IP6K1: variants seen among roughly 807,000 people sequenced by gnomAD.
IP6K1 encodes inositol hexakisphosphate kinase 1, also known as ATP:1D-myo-inositol-hexakisphosphate phosphotransferase.
IP6K1 carries 13 observed loss-of-function variants against 38.3 expected under a neutral mutation model. The ratio of observed to expected loss-of-function variants is 0.34; its 90% CI spans 0.22 to 0.54. The LOEUF is 0.54. IP6K1 is among the 20% of genes least tolerant of loss of function. The pLI, the probability that IP6K1 is intolerant of heterozygous loss-of-function variation, is 0.92. For synonymous variants in IP6K1, 212 were observed against 229.9 expected, an observed-to-expected ratio of 0.92 and a Z score of 0.70; for missense variants, 397 against 599.8, an observed-to-expected ratio of 0.66 and a Z score of 3.53.
intron 1 of IP6K1, among the ~76,000 whole-genome samples, chr3:49,784,694 C>T (rs1169354001): frequency 6.6e-6 from 1 of 150,646 alleles, no homozygotes; most frequent in Non-Finnish European, 1.5e-5. Context: ...TGCCTGTAAT[C>T]CCAACAATTT....
rs1464533251 is a variant in IP6K1 at position 49,727,982 on chromosome 3, A to C, written c.792+121T>G. On this transcript the variant is annotated intron_variant, in intron 5 of 5. Coordinates refer to ENST00000321599, the MANE Select transcript of IP6K1 (RefSeq NM_153273.4). This position sits in a 1 kb window ranked among gnomAD's most constrained non-coding sequence, Gnocchi z 5.9. The stretch of plus-strand genomic sequence containing the variant: ...GTCCTGCACCTGAGGCCCATATCAA[A>C]GTCAACAGGTAAGGACAGAGGGGCT... The C allele has an allele frequency of 2.0e-6, 2 of 988,430 alleles. No individual in the cohort carries two copies. The highest frequency in any genetic ancestry group is 3.0e-6 in the Non-Finnish European group (2 of 659,784). The allele number at this position is 988,430 out of a possible 1,614,324, so 61.2% of individuals were successfully genotyped here.
At chr3:49,774,016 CACAA>C (rs1395168973) in intron 1 of IP6K1, among the ~76,000 whole-genome samples, 4 of 113,508 alleles carry the variant, frequency 3.5e-5, no homozygotes, top group Admixed American at 8.5e-5. Flanking sequence ...CACACACACA[CACAA>C]CACACACATA....
At chr3:49,771,184 GTAACAAAA>G (rs2080955515) in intron 1 of IP6K1, among the ~76,000 whole-genome samples, 1 of 66,564 alleles carries the variant, frequency 1.5e-5, no homozygotes, top group African/African-American at 6.2e-5. Context: ...CTAAAACTCA[GTAACAAAA>G]AAAAAAAAAA....
At chr3:49,774,275 G>A (rs1025146766) in intron 1 of IP6K1, among the ~76,000 whole-genome samples, 4 of 151,526 alleles carry the variant, frequency 2.6e-5, no homozygotes, top group African/African-American at 9.7e-5. Flanking sequence ...GGGTGCGGTG[G>A]CGGGTGCCTG....
rs570242163 is a variant in IP6K1 at position 49,771,371 on chromosome 3, T to A, written c.-129+14983A>T. 2.3e-3 allele frequency among the ~76,000 whole-genome samples: 346 copies of A among 150,162 alleles called. 3 individuals are homozygous for A. Among genetic ancestry groups the A allele is most frequent in the African/African-American group, 5.5e-3 (227 of 40,924 alleles). ...CTTTAAAAAATAAAAAAGCCAATTT[T>A]AAAAAAAAATGGGCAACAGATTTGA... On this transcript the variant is annotated intron_variant, in intron 1 of 5. Coordinates refer to ENST00000321599, the MANE Select transcript of IP6K1 (RefSeq NM_153273.4).
chr3:49,780,986 C>T (rs955740322), intron 1 of IP6K1, among the ~76,000 whole-genome samples: 2 of 151,726 alleles, frequency 1.3e-5, no homozygotes, highest in African/African-American at 2.4e-5. Flanking sequence ...TACGTACAGG[C>T]GCAAAAAGAC....
At chr3:49,759,031 T>C (rs1179427783) in intron 1 of IP6K1, among the ~76,000 whole-genome samples, 2 of 151,804 alleles carry the variant, frequency 1.3e-5, no homozygotes, top group Non-Finnish European at 2.9e-5. Flanking sequence ...CTATGAAACA[T>C]GAATATGTGG....
At chr3:49,784,384 C>A (rs185773494) in intron 1 of IP6K1, among the ~76,000 whole-genome samples, 1 of 152,052 alleles carries the variant, frequency 6.6e-6, no homozygotes. Flanking sequence ...CAGTGGCTCA[C>A]GCCTGTAATC....
intron 1 of IP6K1, among the ~76,000 whole-genome samples, chr3:49,769,601 C>G (rs144774102): frequency 6.6e-6 from 1 of 152,250 alleles, no homozygotes; most frequent in African/African-American, 2.4e-5. Context: ...TTACATTCTT[C>G]CCTCTAAAAA....
intron 1 of IP6K1, chr3:49,748,730 A>G (rs913420197): frequency 6.5e-6 from 1 of 152,758 alleles, no homozygotes; most frequent in African/African-American, 2.4e-5. Flanking sequence ...GGCAGCAGGA[A>G]CCAGTTTCAT....
rs1259004881 is a variant in IP6K1, at chr3:49,724,826, C to G, written c.*2296G>C. 1 of 152,694 alleles carries G rather than the reference C, an allele frequency of 6.5e-6. No homozygotes were observed. The highest frequency in any genetic ancestry group is 1.5e-5 in the Non-Finnish European group (1 of 68,154). The allele number at this position is 152,694 out of a possible 1,614,324, so 9.5% of individuals were successfully genotyped here. A position where few individuals can be genotyped will look rare whatever the true frequency, so the allele number is the denominator to read the frequency against. ...ACTGGTCCCCTTCCTCTTTTAAGCA[C>G]CACCCGTCCCACCCCACCCTCAGGG... On this transcript the variant is annotated 3_prime_UTR_variant, in exon 6 of 6. Transcript: ENST00000321599.
At chr3:49,775,293 A>T (rs1274140135) in intron 1 of IP6K1, 3 of 247,454 alleles carry the variant, frequency 1.2e-5, no homozygotes, top group Admixed American at 4.9e-5. Context: ...CTATGGCTAA[A>T]CATCATCCTA....
chr3:49,782,197 G>C (rs990105322), intron 1 of IP6K1, among the ~76,000 whole-genome samples: 3 of 151,418 alleles, frequency 2.0e-5, no homozygotes, highest in African/African-American at 7.3e-5. Flanking sequence ...TTGAGACGGA[G>C]TCTAGCTCTG....
At chr3:49,754,926 C>CTTT (rs11391839) in intron 1 of IP6K1, among the ~76,000 whole-genome samples, 4 of 144,490 alleles carry the variant, frequency 2.8e-5, no homozygotes, top group Admixed American at 2.1e-4. Context: ...GATATGCAAT[C>CTTT]TTTTTTTTTT....
chr3:49,728,474 C>T lies in IP6K1; in HGVS notation c.617-196G>A, dbSNP rs534876468. 1.8e-5 allele frequency: 10 copies of T among 566,950 alleles called. No individual in the cohort carries two copies. In the East Asian group the frequency reaches 2.3e-4, roughly 13 times the overall value. 35.1% of individuals were successfully genotyped at this position (566,950 alleles called of 1,614,324 possible). On this transcript the variant is annotated intron_variant, in intron 4 of 5. Coordinates refer to ENST00000321599, the MANE Select transcript of IP6K1 (RefSeq NM_153273.4). ...TGTGGTAAAATATACATAAAATTTA[C>T]TTCAGCCATTTTTAAGTGTACAATT... is the stretch of plus-strand genomic sequence containing the variant.
At chr3:49,750,516 G>A (rs758904570) in intron 1 of IP6K1, among the ~76,000 whole-genome samples, 10 of 152,032 alleles carry the variant, frequency 6.6e-5, no homozygotes, top group Admixed American at 5.2e-4. Flanking sequence ...CCAACATGGC[G>A]AAACCCCGTC....
chr3:49,781,978 A>G (rs1476541122), intron 1 of IP6K1, among the ~76,000 whole-genome samples: 1 of 152,012 alleles, frequency 6.6e-6, no homozygotes, highest in Admixed American at 6.6e-5. Context: ...CTGTAGTTCC[A>G]GCTACTCTGG....
intron 1 of IP6K1, among the ~76,000 whole-genome samples, chr3:49,780,312 A>ACACACACACACACACACACACC: frequency 6.7e-6 from 1 of 149,554 alleles, no homozygotes; most frequent in Non-Finnish European, 1.5e-5. Context: ...TCTTTCATAC[A>ACACACACACACACACACACACC]CACACACACA....
At chr3:49,738,085 T>C in intron 3 of IP6K1, 127 bp downstream of exon 3, 2 of 720,622 alleles carry the variant, frequency 2.8e-6, no homozygotes, top group East Asian at 2.7e-5. Flanking sequence ...TACACCTGTG[T>C]GGGTATCCCA....
Sources: gnomAD v4.1 joint callset for allele counts (sites outside exome capture counted in the v4.1 genomes callset) on GRCh38, gnomAD v4.1.1 for gene constraint, Gnocchi (gnomAD v3.1) non-coding constraint, MANE v1.5 for transcripts, NCBI Gene and HGNC (gene_info 2026-07-23, HGNC 2026-07-21) for gene names.